The following RBM46 variants were observed in gnomAD, a reference collection of about 807,000 sequenced individuals.
RBM46 encodes the protein probable RNA-binding protein 46.
In RBM46, 12 loss-of-function variants were observed where a neutral mutation model predicts 43.3. The ratio of observed to expected loss-of-function variants is 0.28; its 90% CI spans 0.18 to 0.45. RBM46 has a LOEUF of 0.45. Among genes scored for constraint, RBM46 ranks in the 20% least tolerant of loss-of-function variants. RBM46 has a pLI of 1.00. For missense variants in RBM46, 412 were observed against 639.1 expected, an observed-to-expected ratio of 0.64 and a Z score of 3.83; for synonymous variants, 205 against 207.6, an observed-to-expected ratio of 0.99 and a Z score of 0.11.
At chr4:154,808,631 G>C (rs919470590) in intron 4 of RBM46, among the ~76,000 whole-genome samples, 2 of 151,766 alleles carry the variant, frequency 1.3e-5, no homozygotes, top group Non-Finnish European at 2.9e-5. Flanking sequence ...CTGTAGTTAC[G>C]AATTTATGAA....
intron 1 of RBM46, among the ~76,000 whole-genome samples, chr4:154,788,987 G>C (rs1015339356): frequency 3.3e-5 from 5 of 151,974 alleles, no homozygotes; most frequent in African/African-American, 1.2e-4. Flanking sequence ...GTTTTTTATT[G>C]GTGTATAAGA....
chr4:154,796,060 T>A lies in RBM46; in HGVS notation c.-11-682T>A, dbSNP rs186162091. On this transcript the variant is annotated intron_variant, in intron 1 of 4. Transcript: ENST00000281722. Reference sequence around the variant, plus strand: ...GTGTGTGCCTGCAGTCCCAGCTACTTGGGGGACTGAGGTGGGAGAATCACT... The same window carrying A: ...GTGTGTGCCTGCAGTCCCAGCTACTAGGGGGACTGAGGTGGGAGAATCACT... 7.2e-3 allele frequency among the ~76,000 whole-genome samples: 1,098 copies of A among 152,120 alleles called. 3 individuals carry two copies. The highest frequency in any genetic ancestry group is 9.7e-3 in the Non-Finnish European group (660 of 67,992).
intron 4 of RBM46, chr4:154,826,674 A>G (rs980347798): frequency 2.7e-6 from 2 of 741,898 alleles, no homozygotes; most frequent in Admixed American, 2.6e-5. Context: ...AGGTTATAAA[A>G]TTAGTTTAAT....
At chr4:154,811,100 G>T (rs1415072970) in intron 4 of RBM46, among the ~76,000 whole-genome samples, 2 of 152,148 alleles carry the variant, frequency 1.3e-5, no homozygotes, top group Admixed American at 6.5e-5. Context: ...CCAATATTCA[G>T]TTAGAGTTCT....
intron 4 of RBM46, among the ~76,000 whole-genome samples, chr4:154,819,230 T>C (rs1045058166): frequency 3.3e-5 from 5 of 152,244 alleles, no homozygotes; most frequent in African/African-American, 9.6e-5. Context: ...CCCAGATTGC[T>C]TTAATCTAGG....
chr4:154,828,790 G>T lies in RBM46; in HGVS notation c.*723G>T, dbSNP rs1736080137. 1 of 152,288 alleles carries T rather than the reference G, an allele frequency of 6.6e-6. No individual in the cohort carries two copies. Among genetic ancestry groups the T allele is most frequent in the African/African-American group, 2.4e-5 (1 of 41,346 alleles). 9.4% of individuals were successfully genotyped at this position (152,288 alleles called of 1,614,324 possible). On this transcript the variant is annotated 3_prime_UTR_variant, in exon 5 of 5. Transcript: ENST00000281722. ...TTTTGTACTTGAATTCAAATTTTTT[G>T]ACATTAAATATGTGATGCTTCTATT...
intron 4 of RBM46, among the ~76,000 whole-genome samples, chr4:154,815,835 C>G (rs1019310370): frequency 3.9e-5 from 6 of 151,966 alleles, no homozygotes; most frequent in African/African-American, 1.2e-4. Context: ...GCTTAGAAAA[C>G]CTTTACTCAC....
At chr4:154,811,756 T>A (rs1235223960) in intron 4 of RBM46, among the ~76,000 whole-genome samples, 1 of 151,234 alleles carries the variant, frequency 6.6e-6, no homozygotes, top group Non-Finnish European at 1.5e-5. Context: ...TCTTGGCTCA[T>A]TGCAACATCC....
intron 4 of RBM46, among the ~76,000 whole-genome samples, chr4:154,823,910 A>C (rs902385281): frequency 6.6e-6 from 1 of 152,008 alleles, no homozygotes; most frequent in Non-Finnish European, 1.5e-5. Context: ...TTCTGAATCT[A>C]GAATTCCTGT....
At chr4:154,796,670 C>T in intron 1 of RBM46, 72 bp from the exon 2 acceptor site, 2 of 1,052,650 alleles carry the variant, frequency 1.9e-6, no homozygotes, top group East Asian at 2.7e-5. Context: ...TTTTCTGCAA[C>T]CCAAAGAAAT....
intron 1 of RBM46, among the ~76,000 whole-genome samples, chr4:154,785,191 T>C (rs1733699004): frequency 6.6e-6 from 1 of 152,162 alleles, no homozygotes; most frequent in Non-Finnish European, 1.5e-5. Flanking sequence ...TTTCTTGAGA[T>C]GTACAAAGTC....
chr4:154,783,244 C>T (rs535026998), intron 1 of RBM46, among the ~76,000 whole-genome samples: 41 of 152,260 alleles, frequency 2.7e-4, no homozygotes, highest in African/African-American at 9.9e-4. Context: ...GAGTAATGTA[C>T]TTGAATATTA....
intron 2 of RBM46, among the ~76,000 whole-genome samples, chr4:154,797,279 T>C (rs1484724254): frequency 2.0e-5 from 3 of 152,126 alleles, no homozygotes; most frequent in Non-Finnish European, 4.4e-5. Flanking sequence ...AACAGGTAAA[T>C]AGAATGTTCG....
chr4:154,827,482 A>G, intron 4 of RBM46: 2 of 1,006,638 alleles, frequency 2.0e-6, no homozygotes, highest in Non-Finnish European at 1.2e-6. Flanking sequence ...AAAAAAAGCA[A>G]ATATGAATTC....
chr4:154,796,022 G>A (rs539873813), intron 1 of RBM46, among the ~76,000 whole-genome samples: 1 of 152,194 alleles, frequency 6.6e-6, no homozygotes, highest in Admixed American at 6.5e-5. Context: ...ACAAAAATTA[G>A]CCAGGCATGG....
intron 4 of RBM46, among the ~76,000 whole-genome samples, chr4:154,812,599 C>A (rs1268936249): frequency 6.6e-6 from 1 of 152,152 alleles, no homozygotes; most frequent in African/African-American, 2.4e-5. Context: ...TGATTATATT[C>A]AAAACATCCC....
intron 1 of RBM46, among the ~76,000 whole-genome samples, chr4:154,792,571 G>A (rs535693289): frequency 6.6e-6 from 1 of 152,248 alleles, no homozygotes; most frequent in East Asian, 1.9e-4. Context: ...TCTGGTAGTG[G>A]GAGAGAGATG....
chr4:154,813,804 G>A (rs1735299034), intron 4 of RBM46, among the ~76,000 whole-genome samples: 1 of 151,948 alleles, frequency 6.6e-6, no homozygotes, highest in Non-Finnish European at 1.5e-5. Flanking sequence ...AATATAGCAG[G>A]CTTATTTGGA....
intron 1 of RBM46, among the ~76,000 whole-genome samples, chr4:154,782,823 G>A (rs1317353852): frequency 6.6e-6 from 1 of 152,178 alleles, no homozygotes; most frequent in Non-Finnish European, 1.5e-5. Flanking sequence ...CTGATTTTGT[G>A]TTTGAGAATG....
Sources: allele counts gnomAD v4.1 joint callset (sites outside exome capture counted in the v4.1 genomes callset), GRCh38; gene constraint gnomAD v4.1.1; transcripts MANE v1.5; gene names NCBI Gene and HGNC (gene_info 2026-07-23, HGNC 2026-07-21).